The following DDX46 variants were observed in gnomAD, a reference collection of about 807,000 sequenced individuals.
DDX46 encodes probable ATP-dependent RNA helicase DDX46.
In DDX46, 30 loss-of-function variants were observed where a neutral mutation model predicts 134.9. That is an observed-to-expected ratio of 0.22 (90% CI 0.17 to 0.30). The LOEUF (loss-of-function observed/expected upper bound fraction) is 0.30. Ranked by LOEUF, DDX46 falls within the 10% of genes least tolerant of loss-of-function variation. The probability of loss-of-function intolerance (pLI) is 1.00; values close to 1 mark genes in which losing one functional copy is unlikely to be tolerated. For synonymous variants in DDX46, 415 were observed against 404.1 expected, an observed-to-expected ratio of 1.03 and a Z score of -0.32; for missense variants, 622 against 1,248.7, an observed-to-expected ratio of 0.50 and a Z score of 7.56.
At chr5:134,774,520 G>T (rs1172229517) in intron 5 of DDX46, among the ~76,000 whole-genome samples, 2 of 152,082 alleles carry the variant, frequency 1.3e-5, no homozygotes, top group Non-Finnish European at 2.9e-5. Context: ...TATTTATGTT[G>T]TAATTTGAAA....
At chr5:134,764,763 CT>C (rs201278461) in intron 2 of DDX46, among the ~76,000 whole-genome samples, 17 of 147,352 alleles carry the variant, frequency 1.2e-4, no homozygotes, top group East Asian at 2.0e-4. Context: ...ATTTTCTTTC[CT>C]TTTTTTTTTG....
At chr5:134,780,995 G>T in intron 6 of DDX46, 138 bp from the exon 7 acceptor site, 1 of 560,482 alleles carries the variant, frequency 1.8e-6, no homozygotes, top group Non-Finnish European at 3.0e-6. Context: ...CACCACTCAA[G>T]CCTGGGTGAC....
intron 15 of DDX46, among the ~76,000 whole-genome samples, chr5:134,804,410 A>G (rs1268053793): frequency 6.6e-6 from 1 of 152,188 alleles, no homozygotes; most frequent in African/African-American, 2.4e-5. Context: ...CCTGAAAAAG[A>G]TTGGCAAAAA....
intron 21 of DDX46, among the ~76,000 whole-genome samples, chr5:134,821,933 C>T (rs1219304395): frequency 6.9e-6 from 1 of 145,796 alleles, no homozygotes; most frequent in Non-Finnish European, 1.5e-5. Context: ...CACTCTGTTG[C>T]CCAGGCTGGA....
chr5:134,768,204 G>T (rs370724546), intron 3 of DDX46, among the ~76,000 whole-genome samples: 1 of 151,682 alleles, frequency 6.6e-6, no homozygotes, highest in Non-Finnish European at 1.5e-5. Context: ...TCGCCTCCCG[G>T]GTTCAAGTAA....
At chr5:134,801,243 C>G (rs1485629457) in intron 15 of DDX46, among the ~76,000 whole-genome samples, 1 of 152,042 alleles carries the variant, frequency 6.6e-6, no homozygotes, top group African/African-American at 2.4e-5. Flanking sequence ...CCACTGTACT[C>G]CCACCTTGGC....
intron 15 of DDX46, among the ~76,000 whole-genome samples, chr5:134,800,404 C>T (rs1218175973): frequency 6.6e-6 from 1 of 152,058 alleles, no homozygotes; most frequent in African/African-American, 2.4e-5. Flanking sequence ...TTGCATGTAT[C>T]AGTAGTTCTT....
intron 17 of DDX46, 118 bp downstream of exon 17, chr5:134,811,476 TTC>T (rs949290031): frequency 1.3e-5 from 18 of 1,367,010 alleles, no homozygotes; most frequent in South Asian, 4.4e-5. Context: ...CTATTTTTAT[TTC>T]TCTCTAGAGG....
intron 1 of DDX46, among the ~76,000 whole-genome samples, chr5:134,763,498 G>A (rs1489342496): frequency 6.6e-6 from 1 of 152,114 alleles, no homozygotes; most frequent in African/African-American, 2.4e-5. Flanking sequence ...TGCCTTTTGC[G>A]TGGAAAATTC....
intron 18 of DDX46, among the ~76,000 whole-genome samples, chr5:134,815,482 G>T (rs551149772): frequency 6.6e-6 from 1 of 152,080 alleles, no homozygotes; most frequent in South Asian, 2.1e-4. Context: ...GCCAAGGTGG[G>T]CGGATCACGA....
intron 3 of DDX46, among the ~76,000 whole-genome samples, chr5:134,769,015 G>A (rs927715032): frequency 3.3e-5 from 5 of 152,018 alleles, no homozygotes; most frequent in Admixed American, 6.6e-5. Context: ...CCGAGATTGC[G>A]CCACTGCACT....
At chr5:134,821,703 A>G (rs1413554748) in intron 21 of DDX46, among the ~76,000 whole-genome samples, 1 of 150,210 alleles carries the variant, frequency 6.7e-6, no homozygotes, top group Non-Finnish European at 1.5e-5. Context: ...ACTACAGGCA[A>G]GCACCACCAT....
intron 1 of DDX46, among the ~76,000 whole-genome samples, chr5:134,761,299 A>G (rs1243236294): frequency 6.6e-6 from 1 of 152,258 alleles, no homozygotes; most frequent in Non-Finnish European, 1.5e-5. Context: ...TGCTGGGATT[A>G]CAGGCATGAG....
chr5:134,801,049 C>T (rs539710451), intron 15 of DDX46, among the ~76,000 whole-genome samples: 1 of 152,168 alleles, frequency 6.6e-6, no homozygotes, highest in South Asian at 2.1e-4. Flanking sequence ...TTTGGGAGGC[C>T]GAGTTGGGCA....
intron 22 of DDX46, 111 bp downstream of exon 22, chr5:134,827,131 A>G (rs569959971): frequency 9.0e-7 from 1 of 1,105,030 alleles, no homozygotes; most frequent in African/African-American, 1.6e-5. Context: ...GAATTTTCAC[A>G]AAGTAATAAG....
intron 2 of DDX46, among the ~76,000 whole-genome samples, chr5:134,764,463 A>AT (rs1161307190): frequency 1.3e-5 from 2 of 152,006 alleles, no homozygotes; most frequent in African/African-American, 2.4e-5. Context: ...TTGTGTCTTT[A>AT]AAAGAGACGG....
At position 134,786,978 on chromosome 5, in the gene DDX46, A is replaced by G. The variant is rs374956342; in HGVS notation, c.1464+1392A>G. 7.0e-4 allele frequency among the ~76,000 whole-genome samples: 107 copies of G among 152,262 alleles called. 5 individuals carry two copies. The South Asian group carries it at 0.022, about 31-fold the overall frequency. ...TACTCTGTTGCCCGGGCTGGAGTGC[A>G]GTGGTGTGACCTTGGCTCACTGCAT... On this transcript the variant is annotated intron_variant, in intron 11 of 22. Coordinates refer to ENST00000452510, the MANE Select transcript of DDX46 (RefSeq NM_001300860.2).
chr5:134,811,127 G>A (rs1755130090), intron 16 of DDX46, 94 bp from the exon 17 acceptor site: 3 of 1,119,916 alleles, frequency 2.7e-6, no homozygotes, highest in South Asian at 4.3e-5. Flanking sequence ...TGTCAATCTC[G>A]AGGATTTATT....
chr5:134,791,669 A>C (rs1454580772), intron 13 of DDX46, among the ~76,000 whole-genome samples: 3 of 152,238 alleles, frequency 2.0e-5, no homozygotes, highest in Non-Finnish European at 4.4e-5. Flanking sequence ...AGACCATAGT[A>C]ATGGAAATGT....
Sources: allele counts gnomAD v4.1 joint callset (sites outside exome capture counted in the v4.1 genomes callset), GRCh38; gene constraint gnomAD v4.1.1; transcripts MANE v1.5; gene names NCBI Gene and HGNC (gene_info 2026-07-23, HGNC 2026-07-21).